NAALADL2: variants seen among roughly 807,000 people sequenced by gnomAD.
NAALADL2 encodes inactive N-acetylated-alpha-linked acidic dipeptidase-like protein 2.
In NAALADL2, 76 loss-of-function variants were observed where a neutral mutation model predicts 87.2. That is an observed-to-expected ratio of 0.87 (90% CI 0.72 to 1.05). The LOEUF (loss-of-function observed/expected upper bound fraction) is 1.05. NAALADL2 is among the 50% of genes least tolerant of loss of function. The pLI, the probability that NAALADL2 is intolerant of heterozygous loss-of-function variation, is 0.00. For synonymous variants in NAALADL2, 354 were observed against 331.0 expected (o/e 1.07, Z -0.75); for missense variants, 1,089 against 945.8 (o/e 1.15, Z -1.99).
chr3:174,924,099 A>G (rs1413007672), intron 1 of NAALADL2, among the ~76,000 whole-genome samples: 2 of 152,258 alleles, frequency 1.3e-5, no homozygotes, highest in East Asian at 3.9e-4. Flanking sequence ...TCTAGGGTAC[A>G]TGTACACAAC....
At chr3:174,468,229 G>A (rs1716654474) in intron 1 of NAALADL2, among the ~76,000 whole-genome samples, 1 of 152,082 alleles carries the variant, frequency 6.6e-6, no homozygotes, top group South Asian at 2.1e-4. Context: ...CTAGCCTAGA[G>A]GTACTCAAAA....
At chr3:175,179,084 T>C (rs12638990) in intron 2 of NAALADL2, among the ~76,000 whole-genome samples, 101,264 of 151,798 alleles carry the variant, frequency 0.67, 35,538 homozygotes, top group Non-Finnish European at 0.78. Flanking sequence ...ATTTTTAATA[T>C]TACATTTTTC....
At chr3:175,103,039 G>A (rs1364680657) in intron 2 of NAALADL2, among the ~76,000 whole-genome samples, 7 of 147,860 alleles carry the variant, frequency 4.7e-5, no homozygotes, top group Admixed American at 2.0e-4. Flanking sequence ...AACCCAGGAG[G>A]CGGAGGTTGC....
intron 1 of NAALADL2, among the ~76,000 whole-genome samples, chr3:174,462,228 G>T (rs2108293860): frequency 6.6e-6 from 1 of 151,894 alleles, no homozygotes; most frequent in African/African-American, 2.4e-5. Context: ...TTCCACAAAG[G>T]TATGGTTATT....
rs999947627 is a variant in NAALADL2 at position 174,492,750 on chromosome 3, T to G, written c.-184+51718T>G. Among the ~76,000 whole-genome samples the G allele has an allele frequency of 4.4e-4, 67 of 152,358 alleles. 1 individual carries two copies. The highest frequency in any genetic ancestry group is 1.5e-3 in the African/African-American group (62 of 41,592). ...CTAGATCACTTCCAACAGTGCTCAT[T>G]ACTAAGACAAAATAAGACAACATAG... is the stretch of plus-strand genomic sequence containing the variant. On this transcript the variant is annotated intron_variant, in intron 1 of 3. Transcript: ENST00000434257.
intron 11 of NAALADL2, among the ~76,000 whole-genome samples, chr3:175,689,607 C>T (rs1274955798): frequency 1.3e-5 from 2 of 152,126 alleles, no homozygotes; most frequent in South Asian, 2.1e-4. Context: ...TCCTCAGCCA[C>T]GATAAACATT....
chr3:174,870,271 A>T (rs1175451693), intron 1 of NAALADL2, among the ~76,000 whole-genome samples: 2 of 152,252 alleles, frequency 1.3e-5, no homozygotes, highest in East Asian at 3.9e-4. Flanking sequence ...AAGAGAAAGT[A>T]CATTTCATTA....
chr3:175,273,744 G>GTT (rs1457751543), intron 4 of NAALADL2, among the ~76,000 whole-genome samples: 1 of 151,874 alleles, frequency 6.6e-6, no homozygotes, highest in Non-Finnish European at 1.5e-5. Context: ...GTGTGTGTGT[G>GTT]TGTGTTAAAT....
chr3:175,397,814 T>C (rs1358860039), intron 5 of NAALADL2, among the ~76,000 whole-genome samples: 2 of 152,168 alleles, frequency 1.3e-5, no homozygotes, highest in Admixed American at 6.5e-5. Flanking sequence ...TACAGTTTCA[T>C]AGCCCTTGAG....
intron 3 of NAALADL2, among the ~76,000 whole-genome samples, chr3:174,765,315 G>C (rs1378586326): frequency 1.3e-5 from 2 of 152,108 alleles, no homozygotes; most frequent in Non-Finnish European, 2.9e-5. Flanking sequence ...AAATATTAGA[G>C]CTTATGTTGT....
At chr3:175,531,152 C>T (rs760278587) in intron 9 of NAALADL2, among the ~76,000 whole-genome samples, 9 of 152,076 alleles carry the variant, frequency 5.9e-5, no homozygotes, top group Non-Finnish European at 1.2e-4. Context: ...AGAGACTTCT[C>T]CTGTTCTGGA....
At chr3:174,614,799 G>T (rs1720286738) in intron 2 of NAALADL2, among the ~76,000 whole-genome samples, 2 of 152,072 alleles carry the variant, frequency 1.3e-5, no homozygotes, top group Admixed American at 1.3e-4. Flanking sequence ...GCTTTTTGTT[G>T]TTGTTTTTTT....
At chr3:174,885,901 T>G (rs1730069144) in intron 1 of NAALADL2, among the ~76,000 whole-genome samples, 2 of 36,724 alleles carry the variant, frequency 5.4e-5, no homozygotes, top group African/African-American at 2.9e-4. Context: ...TTTTTTTTTT[T>G]TTTTTTTTTT....
At chr3:175,698,844 T>C (rs1738569583) in intron 11 of NAALADL2, among the ~76,000 whole-genome samples, 1 of 151,900 alleles carries the variant, frequency 6.6e-6, no homozygotes, top group African/African-American at 2.4e-5. Context: ...ATCCCATTTA[T>C]TTGAACATTA....
At chr3:175,652,534 A>G (rs1730908634) in intron 11 of NAALADL2, among the ~76,000 whole-genome samples, 2 of 140,598 alleles carry the variant, frequency 1.4e-5, no homozygotes, top group South Asian at 2.2e-4. Flanking sequence ...GCTGGAGTGC[A>G]GTGGTGCCAT....
upstream of NAALADL2, among the ~76,000 whole-genome samples, chr3:174,855,351 T>C (rs1002949341): frequency 5.9e-5 from 9 of 152,144 alleles, no homozygotes; most frequent in Non-Finnish European, 1.2e-4. Flanking sequence ...CAGTCCACCA[T>C]TGATTGAAAC....
At chr3:174,530,403 A>G (rs907524749) in intron 1 of NAALADL2, among the ~76,000 whole-genome samples, 1 of 151,822 alleles carries the variant, frequency 6.6e-6, no homozygotes, top group South Asian at 2.1e-4. Context: ...ACTTTCCCAA[A>G]TTTTCCTATC....
At chr3:174,956,006 A>G (rs1475412397) in intron 1 of NAALADL2, among the ~76,000 whole-genome samples, 12 of 151,976 alleles carry the variant, frequency 7.9e-5, no homozygotes, top group African/African-American at 2.7e-4. Flanking sequence ...ACTTAAGTCA[A>G]TCAGTTTCTT....
In NAALADL2 at chr3:175,503,016, T is replaced by C. The variant is rs1454771081; in HGVS notation, c.1653+31258T>C. On this transcript the variant is annotated intron_variant, in intron 9 of 13. Coordinates refer to ENST00000454872, the MANE Select transcript of NAALADL2 (RefSeq NM_207015.3). ...TCATGTTGCAGGGGTTTGGTGTAGA[T>C]TATGTTGTCACCCAGGTAATCTGCA... Among the ~76,000 whole-genome samples, 3 of 151,974 alleles carry C rather than the reference T, an allele frequency of 2.0e-5. No homozygotes were observed. The East Asian group carries it at 5.8e-4, about 29-fold the overall frequency.
Sources: gnomAD v4.1 joint callset for allele counts (sites outside exome capture counted in the v4.1 genomes callset) on GRCh38, gnomAD v4.1.1 for gene constraint, MANE v1.5 for transcripts, NCBI Gene and HGNC (gene_info 2026-07-23, HGNC 2026-07-21) for gene names.